FPR3: variants seen among roughly 807,000 people sequenced by gnomAD.
The protein encoded by FPR3 is formyl peptide receptor 3.
For missense variants in FPR3, 346 were observed against 443.2 expected (o/e 0.78, Z 1.97); for synonymous variants, 135 against 163.6 (o/e 0.83, Z 1.34).
intron 1 of FPR3, among the ~76,000 whole-genome samples, chr19:51,797,037 C>A (rs1000854691): frequency 3.9e-5 from 6 of 152,130 alleles, no homozygotes; most frequent in Admixed American, 6.5e-5. Flanking sequence ...TAGAGACGAC[C>A]AAGAGTGTAT....
At chr19:51,815,376 A>G (rs1347747641) in intron 1 of FPR3, among the ~76,000 whole-genome samples, 2 of 152,108 alleles carry the variant, frequency 1.3e-5, no homozygotes, top group African/African-American at 4.8e-5. Flanking sequence ...CCTGGCCAAC[A>G]TGATGAAACT....
At chr19:51,801,499 G>A (rs768275264) in intron 1 of FPR3, among the ~76,000 whole-genome samples, 4 of 152,122 alleles carry the variant, frequency 2.6e-5, no homozygotes, top group Non-Finnish European at 4.4e-5. Context: ...TAACATTAGC[G>A]GCCGGACGCG....
intron 1 of FPR3, among the ~76,000 whole-genome samples, chr19:51,817,230 G>A (rs1322321336): frequency 6.6e-6 from 1 of 152,156 alleles, no homozygotes; most frequent in African/African-American, 2.4e-5. Context: ...CAAAGTCTCT[G>A]CTGAAGCCTA....
At chr19:51,818,137 A>G (rs1275914573) in intron 1 of FPR3, among the ~76,000 whole-genome samples, 1 of 152,150 alleles carries the variant, frequency 6.6e-6, no homozygotes, top group Non-Finnish European at 1.5e-5. Flanking sequence ...AGTGCTTGCT[A>G]TTTTTCTCAT....
intron 1 of FPR3, chr19:51,805,034 CCTT>C (rs2084049084): frequency 2.0e-5 from 3 of 152,194 alleles, no homozygotes; most frequent in Non-Finnish European, 4.4e-5. Flanking sequence ...CCTCAGCAAA[CCTT>C]CTGGCGGCAG....
chr19:51,817,279 G>A (rs757841860), intron 1 of FPR3, among the ~76,000 whole-genome samples: 1 of 152,146 alleles, frequency 6.6e-6, no homozygotes, highest in African/African-American at 2.4e-5. Context: ...TTTAAACTGA[G>A]CTACTGTACT....
intron 1 of FPR3, among the ~76,000 whole-genome samples, chr19:51,815,703 T>C (rs931308699): frequency 6.6e-6 from 1 of 151,196 alleles, no homozygotes; most frequent in Non-Finnish European, 1.5e-5. Flanking sequence ...ACCCTGTTTG[T>C]ACAAAAAATT....
At chr19:51,814,998 C>T (rs1010487496) in intron 1 of FPR3, among the ~76,000 whole-genome samples, 11 of 150,110 alleles carry the variant, frequency 7.3e-5, no homozygotes, top group Admixed American at 2.0e-4. Context: ...TTAGTAGAGG[C>T]GGGGTTTCAC....
At chr19:51,811,325 C>A (rs985146393) in intron 1 of FPR3, 1 of 152,162 alleles carries the variant, frequency 6.6e-6, no homozygotes, top group Non-Finnish European at 1.5e-5. Context: ...AACCTGAGCA[C>A]CAGTTTGTTT....
chr19:51,821,474 C>G (rs1010359678), intron 1 of FPR3, among the ~76,000 whole-genome samples: 22 of 152,126 alleles, frequency 1.4e-4, no homozygotes, highest in African/African-American at 5.1e-4. Flanking sequence ...AACAGTCCCC[C>G]ACAACAAAGA....
intron 1 of FPR3, chr19:51,811,606 A>G (rs962805911): frequency 2.0e-5 from 3 of 152,042 alleles, no homozygotes; most frequent in African/African-American, 7.3e-5. Flanking sequence ...TTTGAGTGCC[A>G]CTTGTAGAGC....
intron 1 of FPR3, 132 bp from the exon 2 acceptor site, chr19:51,823,607 T>C: frequency 1.4e-6 from 1 of 695,844 alleles, no homozygotes; most frequent in Admixed American, 3.0e-5. Flanking sequence ...GCCAATTTTA[T>C]GTTATAACCA....
intron 1 of FPR3, among the ~76,000 whole-genome samples, 173 bp downstream of exon 1, chr19:51,795,504 C>CCTTTTTTTTT (rs1568425575): frequency 2.7e-5 from 2 of 74,732 alleles, no homozygotes. Context: ...CAGTAACATT[C>CCTTTTTTTTT]TTTTTTTTTT....
At chr19:51,799,029 C>T (rs1214608033) in intron 1 of FPR3, among the ~76,000 whole-genome samples, 2 of 152,040 alleles carry the variant, frequency 1.3e-5, no homozygotes, top group South Asian at 2.1e-4. Flanking sequence ...ATTACTTGAA[C>T]CCAGGAGGCG....
chr19:51,818,763 T>C (rs2084164523), intron 1 of FPR3, among the ~76,000 whole-genome samples: 1 of 151,936 alleles, frequency 6.6e-6, no homozygotes, highest in South Asian at 2.1e-4. Context: ...GTGTGTCAGG[T>C]GAGAGTGCAG....
rs562430725 is a variant in FPR3, at chr19:51,820,124, T to C, written c.-10-3615T>C. On this transcript the variant is annotated intron_variant, in intron 1 of 1. Coordinates refer to ENST00000339223, the MANE Select transcript of FPR3 (RefSeq NM_002030.5). ...AGGCCATCAGCTGAGAGTGGAATAGTAGAGGAAGTTGGTTAGTTTGAGGAG... is the reference window on the plus strand; with the variant it reads ...AGGCCATCAGCTGAGAGTGGAATAGCAGAGGAAGTTGGTTAGTTTGAGGAG... Among the ~76,000 whole-genome samples the C allele has an allele frequency of 3.3e-5, 5 of 152,262 alleles. No individual in the cohort carries two copies. In the South Asian group the frequency reaches 1.0e-3, roughly 32 times the overall value.
chr19:51,807,322 A>C (rs1245010213), intron 1 of FPR3, among the ~76,000 whole-genome samples: 1 of 152,216 alleles, frequency 6.6e-6, no homozygotes, highest in Non-Finnish European at 1.5e-5. Flanking sequence ...CTCAATAGAT[A>C]ACTTCAAGGA....
At chr19:51,802,325 T>C (rs2084030456) in intron 1 of FPR3, among the ~76,000 whole-genome samples, 1 of 152,150 alleles carries the variant, frequency 6.6e-6, no homozygotes, top group Non-Finnish European at 1.5e-5. Context: ...CTTCACCTCC[T>C]GCAGAGGTAG....
chr19:51,803,879 T>C (rs1359921512), intron 1 of FPR3: 4 of 152,196 alleles, frequency 2.6e-5, no homozygotes, highest in South Asian at 2.1e-4. Flanking sequence ...GGAGTTTCCA[T>C]TGTGGATTCC....
Sources: allele counts gnomAD v4.1 joint callset (sites outside exome capture counted in the v4.1 genomes callset), GRCh38; gene constraint gnomAD v4.1.1; transcripts MANE v1.5; gene names NCBI Gene and HGNC (gene_info 2026-07-23, HGNC 2026-07-21).